KCNJ6: variants seen among roughly 807,000 people sequenced by gnomAD.
KCNJ6 encodes G protein-activated inward rectifier potassium channel 2.
In KCNJ6, 9 loss-of-function variants were observed where a neutral mutation model predicts 34.2. The ratio of observed to expected loss-of-function variants is 0.26; its 90% confidence interval spans 0.16 to 0.46. The LOEUF (loss-of-function observed/expected upper bound fraction) is 0.46. Among genes scored for constraint, KCNJ6 ranks in the 20% least tolerant of loss-of-function variants. The probability of loss-of-function intolerance (pLI) is 1.00; values close to 1 mark genes in which losing one functional copy is unlikely to be tolerated. For missense variants in KCNJ6, 236 were observed against 531.3 expected (o/e 0.44, Z 5.46); for synonymous variants, 196 against 207.1 (o/e 0.95, Z 0.46).
intron 2 of KCNJ6, among the ~76,000 whole-genome samples, chr21:37,836,027 TAAAC>T (rs2055450042): frequency 1.3e-5 from 2 of 152,050 alleles, no homozygotes; most frequent in South Asian, 4.2e-4. Context: ...ACAAATAACT[TAAAC>T]AAAATTTACA....
At chr21:37,835,178 C>T (rs1444548904) in intron 2 of KCNJ6, among the ~76,000 whole-genome samples, 3 of 152,142 alleles carry the variant, frequency 2.0e-5, no homozygotes, top group East Asian at 1.9e-4. Context: ...GTAGCTCAGG[C>T]GGCCCCCACT....
intron 2 of KCNJ6, among the ~76,000 whole-genome samples, chr21:37,832,542 G>A (rs2055431324): frequency 6.6e-6 from 1 of 152,104 alleles, no homozygotes; most frequent in African/African-American, 2.4e-5. Context: ...CTGGCTCTTT[G>A]TCTTGGTTGC....
intron 2 of KCNJ6, among the ~76,000 whole-genome samples, chr21:37,794,324 C>G (rs55787892): frequency 6.6e-6 from 1 of 152,346 alleles, no homozygotes; most frequent in South Asian, 2.1e-4. Context: ...TCTTCCACTT[C>G]TTAGCTGTCT....
intron 2 of KCNJ6, among the ~76,000 whole-genome samples, chr21:37,763,527 A>G (rs2055076384): frequency 6.6e-6 from 1 of 151,954 alleles, no homozygotes; most frequent in Non-Finnish European, 1.5e-5. Context: ...TGCTCCTGAG[A>G]CTTTCCTGCC....
intron 2 of KCNJ6, among the ~76,000 whole-genome samples, chr21:37,810,783 T>G (rs2055318910): frequency 6.6e-6 from 1 of 152,236 alleles, no homozygotes; most frequent in Admixed American, 6.5e-5. Context: ...GTATTTAGCC[T>G]TTATTGCTGG....
At position 37,619,257 on chromosome 21, in the gene KCNJ6, T is replaced by C. The variant is rs1197668901; in HGVS notation, c.*5902A>G. On this transcript the variant is annotated 3_prime_UTR_variant, in exon 4 of 4. Transcript: ENST00000609713. ...ACCTCTGGCATTAGAAATGCTTCCTTAGAAGACAAGGGAGTTCAGCTTAGT... is the reference window on the plus strand; with the variant it reads ...ACCTCTGGCATTAGAAATGCTTCCTCAGAAGACAAGGGAGTTCAGCTTAGT... 1 of 152,212 alleles carries C rather than the reference T, an allele frequency of 6.6e-6. No homozygotes were observed. The highest frequency in any genetic ancestry group is 2.4e-5 in the African/African-American group (1 of 41,462). The allele number at this position is 152,212 out of a possible 1,614,324, so 9.4% of individuals were successfully genotyped here.
At chr21:37,775,433 T>C (rs917333449) in intron 2 of KCNJ6, among the ~76,000 whole-genome samples, 3 of 152,252 alleles carry the variant, frequency 2.0e-5, no homozygotes, top group African/African-American at 7.2e-5. Flanking sequence ...CCCATGCCTA[T>C]GTCCTGAATG....
chr21:37,743,857 T>G (rs540440956), intron 2 of KCNJ6, among the ~76,000 whole-genome samples: 14 of 152,044 alleles, frequency 9.2e-5, no homozygotes, highest in Admixed American at 4.6e-4. Flanking sequence ...CCCTCAGCGA[T>G]TACTTTTTAA....
intron 2 of KCNJ6, among the ~76,000 whole-genome samples, chr21:37,825,932 CT>C (rs1324962894): frequency 6.6e-6 from 1 of 152,210 alleles, no homozygotes; most frequent in African/African-American, 2.4e-5. Flanking sequence ...TTACCTCCCT[CT>C]GGGTCCCTCC....
At chr21:37,890,585 C>T (rs1325940814) in intron 1 of KCNJ6, among the ~76,000 whole-genome samples, 1 of 152,192 alleles carries the variant, frequency 6.6e-6, no homozygotes, top group East Asian at 1.9e-4. Flanking sequence ...AGCTGCATGT[C>T]TGTACAGCAA....
At position 37,783,891 on chromosome 21, in the gene KCNJ6, G is replaced by A. The variant is rs555799968; in HGVS notation, c.25+56767C>T. Among the ~76,000 whole-genome samples the A allele has an allele frequency of 5.3e-5, 8 of 152,270 alleles. No homozygotes were observed. The East Asian group carries it at 5.8e-4, about 11-fold the overall frequency. On this transcript the variant is annotated intron_variant, in intron 2 of 3. Transcript: ENST00000609713. ...CTCTGTGTGTCTGTGCACATGCACC[G>A]AAGAAAGACCATGAAAAGACACAGC...
intron 2 of KCNJ6, among the ~76,000 whole-genome samples, chr21:37,782,087 G>A (rs1213747643): frequency 1.3e-5 from 2 of 152,188 alleles, no homozygotes; most frequent in African/African-American, 2.4e-5. Context: ...AGCATGGCAG[G>A]AGAGTTAGTG....
At chr21:37,786,861 G>A (rs958649130) in intron 2 of KCNJ6, among the ~76,000 whole-genome samples, 1 of 152,084 alleles carries the variant, frequency 6.6e-6, no homozygotes, top group Non-Finnish European at 1.5e-5. Flanking sequence ...CAGAAAATAG[G>A]GACTCAGTAA....
In KCNJ6 at chr21:37,613,092, A is replaced by G. The variant is rs2054248677; in HGVS notation, c.*12067T>C. 1 of 147,126 alleles carries G rather than the reference A, an allele frequency of 6.8e-6. No individual in the cohort carries two copies. The highest frequency in any genetic ancestry group is 2.2e-4 in the South Asian group (1 of 4,506). 9.1% of individuals were successfully genotyped at this position (147,126 alleles called of 1,614,324 possible). A position where few individuals can be genotyped will look rare whatever the true frequency, so the allele number is the denominator to read the frequency against. ...TTACAAAGAACTTTAACAAATCAAC[A>G]ATAAGAAAACAACCCGATTTAAAAA... is the stretch of plus-strand genomic sequence containing the variant. On this transcript the variant is annotated 3_prime_UTR_variant, in exon 4 of 4. Transcript: ENST00000609713.
chr21:37,791,461 A>G (rs2055216588), intron 2 of KCNJ6, among the ~76,000 whole-genome samples: 1 of 152,294 alleles, frequency 6.6e-6, no homozygotes, highest in Non-Finnish European at 1.5e-5. Flanking sequence ...GAACAAGCAC[A>G]TTGTCCCCTG....
chr21:37,618,644 T>A lies in KCNJ6; in HGVS notation c.*6515A>T, dbSNP rs2054280818. On this transcript the variant is annotated 3_prime_UTR_variant, in exon 4 of 4. Coordinates refer to ENST00000609713, the MANE Select transcript of KCNJ6 (RefSeq NM_002240.5). Reference sequence around the variant, plus strand: ...TTCTCTGAAATCAAGATCTGTTTACTATGTGGCCACAATTCTCCGGCCAAC... The same window carrying A: ...TTCTCTGAAATCAAGATCTGTTTACAATGTGGCCACAATTCTCCGGCCAAC... 1 of 152,232 alleles carries A rather than the reference T, an allele frequency of 6.6e-6. No individual in the cohort carries two copies. The highest frequency in any genetic ancestry group is 2.4e-5 in the African/African-American group (1 of 41,472). The allele number at this position is 152,232 out of a possible 1,614,324, so 9.4% of individuals were successfully genotyped here.
At chr21:37,784,229 T>C (rs16995493) in intron 2 of KCNJ6, among the ~76,000 whole-genome samples, 1,896 of 152,312 alleles carry the variant, frequency 0.012, 50 homozygotes, top group African/African-American at 0.043. Context: ...TTTTCCAAAC[T>C]GTGTGCCCGG....
chr21:37,730,773 G>GAGAC (rs1476836943), intron 2 of KCNJ6, among the ~76,000 whole-genome samples: 1 of 152,218 alleles, frequency 6.6e-6, no homozygotes, highest in East Asian at 1.9e-4. Flanking sequence ...TAGTGCATCA[G>GAGAC]AGACAGAGGC....
chr21:37,691,732 C>A (rs1386332156), intron 3 of KCNJ6, among the ~76,000 whole-genome samples: 11 of 152,106 alleles, frequency 7.2e-5, no homozygotes. Flanking sequence ...TGGTTGGAGG[C>A]CACTCGGCAG....
Sources: allele counts gnomAD v4.1 joint callset (sites outside exome capture counted in the v4.1 genomes callset), GRCh38; gene constraint gnomAD v4.1.1; transcripts MANE v1.5; gene names NCBI Gene and HGNC (gene_info 2026-07-23, HGNC 2026-07-21).